The following TANC2 variants were observed in gnomAD, a reference collection of about 807,000 sequenced individuals.
TANC2 encodes the protein protein TANC2.
A neutral mutation model predicts 210.5 loss-of-function variants in TANC2; 26 were observed. The ratio of observed to expected loss-of-function variants is 0.12; its 90% CI spans 0.09 to 0.17. The LOEUF is 0.17. Ranked by LOEUF, TANC2 falls within the 10% of genes least tolerant of loss-of-function variation. The pLI is 1.00. For synonymous variants in TANC2, 931 were observed against 967.1 expected (o/e 0.96, Z 0.69); for missense variants, 2,129 against 2,608.9 (o/e 0.82, Z 4.01).
chr17:63,415,432 G>A, intron 25 of TANC2, 96 bp from the exon 26 acceptor site: 1 of 1,502,614 alleles, frequency 6.7e-7, no homozygotes, highest in Non-Finnish European at 9.0e-7. Context: ...TTAGCCCTTA[G>A]TAACAGCTGC....
chr17:63,377,606 T>C (rs572632542), intron 14 of TANC2, among the ~76,000 whole-genome samples: 3 of 152,264 alleles, frequency 2.0e-5, no homozygotes, highest in Non-Finnish European at 2.9e-5. Context: ...ATTCAACAAG[T>C]CTCTAGGAAG....
chr17:63,028,637 G>A (rs1316052278), intron 2 of TANC2, among the ~76,000 whole-genome samples: 2 of 152,106 alleles, frequency 1.3e-5, no homozygotes, highest in African/African-American at 4.8e-5. Context: ...TTACATTGGA[G>A]TTTCATCTCC....
chr17:63,222,744 C>CACACAT lies in TANC2; in HGVS notation c.770-15064_770-15059dup, dbSNP rs917854475. ...AAACACACACACACACACACACACA[C>CACACAT]ACACATACACACTAGCATGACACAG... is the stretch of plus-strand genomic sequence containing the variant. On this transcript the variant is annotated intron_variant, in intron 7 of 27. Transcript: ENST00000689528. Among the ~76,000 whole-genome samples, 82 of 152,114 alleles carry CACACAT rather than the reference C, an allele frequency of 5.4e-4. 1 individual carries two copies. The highest frequency in any genetic ancestry group is 8.5e-4 in the Admixed American group (13 of 15,282).
intron 14 of TANC2, among the ~76,000 whole-genome samples, chr17:63,363,704 G>T (rs1265244725): frequency 3.3e-5 from 5 of 152,246 alleles, no homozygotes; most frequent in East Asian, 3.9e-4. Context: ...TCTCTATTCT[G>T]TTCCACTGGT....
At chr17:63,006,729 C>T (rs1264145851) in intron 1 of TANC2, among the ~76,000 whole-genome samples, 1 of 151,638 alleles carries the variant, frequency 6.6e-6, no homozygotes, top group African/African-American at 2.4e-5. Flanking sequence ...GAGAAATTTG[C>T]TTATATATAT....
At chr17:63,330,035 A>G (rs543161404) in intron 11 of TANC2, among the ~76,000 whole-genome samples, 172 of 152,350 alleles carry the variant, frequency 1.1e-3, no homozygotes, top group Non-Finnish European at 1.6e-3. Flanking sequence ...GCTTTAGTGA[A>G]CACATGAACA....
chr17:63,347,027 A>G (rs539723443), intron 12 of TANC2, among the ~76,000 whole-genome samples: 8 of 152,178 alleles, frequency 5.3e-5, no homozygotes, highest in South Asian at 4.1e-4. Flanking sequence ...ACAAAGTTAA[A>G]TGTACATCTA....
intron 8 of TANC2, among the ~76,000 whole-genome samples, chr17:63,243,372 GAGA>G (rs2042828412): frequency 3.3e-5 from 5 of 152,176 alleles, no homozygotes; most frequent in Admixed American, 3.3e-4. Flanking sequence ...GAATGTCCAT[GAGA>G]AATGAGTGCT....
intron 8 of TANC2, among the ~76,000 whole-genome samples, chr17:63,254,488 C>G (rs955013288): frequency 6.6e-6 from 1 of 152,136 alleles, no homozygotes; most frequent in African/African-American, 2.4e-5. Context: ...TCTGATTGCT[C>G]TAGCTGGGAC....
chr17:63,313,326 TAA>T (rs1431576329), intron 9 of TANC2: 3 of 152,216 alleles, frequency 2.0e-5, no homozygotes, highest in Admixed American at 2.0e-4. Flanking sequence ...TTCAGACAGA[TAA>T]AGTGATACGT....
intron 3 of TANC2, among the ~76,000 whole-genome samples, chr17:63,098,486 T>TA (rs1567721172): frequency 4.3e-4 from 31 of 72,480 alleles, no homozygotes; most frequent in Non-Finnish European, 4.8e-4. Context: ...ACACATACAC[T>TA]CTCTCTCTCT....
intron 12 of TANC2, among the ~76,000 whole-genome samples, chr17:63,343,954 C>T (rs755880448): frequency 1.3e-5 from 2 of 152,154 alleles, no homozygotes. Flanking sequence ...TAAAGGAGAA[C>T]ATCCACATAA....
chr17:63,011,047 C>CTGA (rs755875627), intron 2 of TANC2, among the ~76,000 whole-genome samples: 35 of 152,154 alleles, frequency 2.3e-4, no homozygotes, highest in Admixed American at 6.5e-5. Flanking sequence ...AAGGCTGACT[C>CTGA]TCATGGTAGG....
chr17:63,257,032 C>G (rs1175689738), intron 8 of TANC2, among the ~76,000 whole-genome samples: 1 of 148,986 alleles, frequency 6.7e-6, no homozygotes, highest in Non-Finnish European at 1.5e-5. Flanking sequence ...TTGTAGGCCA[C>G]AGATAATTGG....
intron 2 of TANC2, among the ~76,000 whole-genome samples, chr17:63,038,871 T>G (rs2035075495): frequency 6.6e-6 from 1 of 152,130 alleles, no homozygotes; most frequent in Non-Finnish European, 1.5e-5. Flanking sequence ...AAATCAAAGT[T>G]TTAGATTTGT....
chr17:63,282,030 AAGTT>A (rs1190268636), intron 9 of TANC2, among the ~76,000 whole-genome samples: 1 of 152,114 alleles, frequency 6.6e-6, no homozygotes, highest in Non-Finnish European at 1.5e-5. Flanking sequence ...TTAAGCCACA[AAGTT>A]AGTGGTAACT....
intron 1 of TANC2, among the ~76,000 whole-genome samples, chr17:62,977,033 T>C (rs2032044402): frequency 6.6e-6 from 1 of 152,226 alleles, no homozygotes. Flanking sequence ...GTCTCCTTTG[T>C]TCCATGCACT....
chr17:63,347,588 T>TTCTTTGAA (rs1452620852), intron 12 of TANC2, among the ~76,000 whole-genome samples: 1 of 152,216 alleles, frequency 6.6e-6, no homozygotes, highest in African/African-American at 2.4e-5. Flanking sequence ...GATTTCAAAT[T>TTCTTTGAA]ATGTATTTTC....
At chr17:63,021,334 G>T (rs2034339268) in intron 2 of TANC2, among the ~76,000 whole-genome samples, 1 of 152,242 alleles carries the variant, frequency 6.6e-6, no homozygotes, top group Admixed American at 6.5e-5. Flanking sequence ...ATGTGGTAGT[G>T]TTGGGAGGTA....
Sources: gnomAD v4.1 joint callset for allele counts (sites outside exome capture counted in the v4.1 genomes callset) on GRCh38, gnomAD v4.1.1 for gene constraint, MANE v1.5 for transcripts, NCBI Gene and HGNC (gene_info 2026-07-23, HGNC 2026-07-21) for gene names.